LRCH1: variants seen among roughly 807,000 people sequenced by gnomAD.
The protein encoded by LRCH1 is leucine-rich repeat and calponin homology domain-containing protein 1.
A neutral mutation model predicts 94.9 loss-of-function variants in LRCH1; 23 were observed. The ratio of observed to expected loss-of-function variants is 0.24; its 90% CI spans 0.17 to 0.34. The LOEUF (loss-of-function observed/expected upper bound fraction) is 0.34. Ranked by LOEUF, LRCH1 falls within the 10% of genes least tolerant of loss-of-function variation. The probability of loss-of-function intolerance (pLI) is 1.00; values close to 1 mark genes in which losing one functional copy is unlikely to be tolerated. For missense variants in LRCH1, 790 were observed against 945.9 expected (o/e 0.84, Z 2.16); for synonymous variants, 364 against 354.9 (o/e 1.03, Z -0.29).
chr13:46,672,389 G>T (rs1307540840), intron 3 of LRCH1, among the ~76,000 whole-genome samples: 1 of 151,944 alleles, frequency 6.6e-6, no homozygotes, highest in Non-Finnish European at 1.5e-5. Flanking sequence ...ACATGGGTGA[G>T]ATCAATCTTC....
At chr13:46,574,681 G>A (rs76238279) in intron 1 of LRCH1, among the ~76,000 whole-genome samples, 2,945 of 152,086 alleles carry the variant, frequency 0.019, 89 homozygotes, top group African/African-American at 0.067. Flanking sequence ...AAACTTATAC[G>A]CATATTCTAA....
chr13:46,737,925 T>C (rs555147896), intron 19 of LRCH1, among the ~76,000 whole-genome samples: 1 of 152,156 alleles, frequency 6.6e-6, no homozygotes, highest in East Asian at 1.9e-4. Flanking sequence ...CATCAAAAAA[T>C]TAGGAAATAG....
rs3138585 is a variant in LRCH1 at position 46,736,118 on chromosome 13, C to CTGTGTGTGTGTGTG, written c.2085+2144_2085+2157dup. Among the ~76,000 whole-genome samples, 362 of 142,288 alleles carry CTGTGTGTGTGTGTG rather than the reference C, an allele frequency of 2.5e-3. 1 individual carries two copies. The highest frequency in any genetic ancestry group is 7.4e-3 in the Middle Eastern group (2 of 272). 93.3% of individuals were successfully genotyped at this position (142,288 alleles called of 152,430 possible). A position where few individuals can be genotyped will look rare whatever the true frequency, so the allele number is the denominator to read the frequency against. Reference sequence around the variant, plus strand: ...GGCCAAGGTGATTTTCAAATTTGCTCTGTGTGTGTGTGTGTGTGTGTGTGT... The same window carrying CTGTGTGTGTGTGTG: ...GGCCAAGGTGATTTTCAAATTTGCTCTGTGTGTGTGTGTGTGTGTGTGTGTGTGTGTGTGTGTGT... On this transcript the variant is annotated intron_variant, in intron 19 of 19. Transcript: ENST00000389797.
At chr13:46,653,457 C>T (rs2051332421) in intron 2 of LRCH1, among the ~76,000 whole-genome samples, 2 of 152,174 alleles carry the variant, frequency 1.3e-5, no homozygotes, top group South Asian at 4.2e-4. Context: ...TTTTGAAAGC[C>T]AGATACTATA....
chr13:46,601,682 G>A lies in LRCH1; in HGVS notation c.307+47979G>A, dbSNP rs1166626637. ...AGACTAATTATATTTCCATAGCAAT[G>A]TTTAAGTGGCCTGCTGCCCAATCAC... On this transcript the variant is annotated intron_variant, in intron 1 of 19. Transcript: ENST00000389797. Among the ~76,000 whole-genome samples, 3 of 152,170 alleles carry A rather than the reference G, an allele frequency of 2.0e-5. No individual in the cohort carries two copies. The East Asian group carries it at 5.8e-4, about 29-fold the overall frequency.
intron 1 of LRCH1, among the ~76,000 whole-genome samples, chr13:46,579,992 T>C (rs2050347021): frequency 6.6e-6 from 1 of 152,192 alleles, no homozygotes; most frequent in East Asian, 1.9e-4. Flanking sequence ...AAGTGGCTCA[T>C]GAAGAAGTAA....
At chr13:46,709,028 A>G (rs746467971) in intron 13 of LRCH1, among the ~76,000 whole-genome samples, 1 of 152,204 alleles carries the variant, frequency 6.6e-6, no homozygotes, top group Non-Finnish European at 1.5e-5. Context: ...ATTTCAGTGT[A>G]CTGCTTATTT....
intron 1 of LRCH1, among the ~76,000 whole-genome samples, chr13:46,642,133 T>C (rs59467851): frequency 0.085 from 12,916 of 152,314 alleles, 656 homozygotes; most frequent in Middle Eastern, 0.16. Flanking sequence ...TAAAGACATG[T>C]GCTCTTCTTT....
Position 46,742,163 on chromosome 13 carries a change from C to A in LRCH1, c.*315C>A. 3.3e-6 allele frequency: 4 copies of A among 1,197,046 alleles called. No individual in the cohort carries two copies. The highest frequency in any genetic ancestry group is 4.2e-6 in the Non-Finnish European group (4 of 957,918). The allele number at this position is 1,197,046 out of a possible 1,614,324, so 74.2% of individuals were successfully genotyped here. A position where few individuals can be genotyped will look rare whatever the true frequency, so the allele number is the denominator to read the frequency against. Reference sequence around the variant, plus strand: ...TCCTCCTCTCCCTCCCGGTGAGCTGCTGCCCTGGGCAGAGGGGAGGAGAAT... The same window carrying A: ...TCCTCCTCTCCCTCCCGGTGAGCTGATGCCCTGGGCAGAGGGGAGGAGAAT... On this transcript the variant is annotated 3_prime_UTR_variant, in exon 20 of 20. Transcript: ENST00000389797.
At chr13:46,557,583 C>T (rs1244487057) in intron 1 of LRCH1, among the ~76,000 whole-genome samples, 3 of 144,526 alleles carry the variant, frequency 2.1e-5, no homozygotes, top group African/African-American at 7.3e-5. Context: ...TAGCTCACTC[C>T]TGTAACGCCT....
At chr13:46,716,929 C>T (rs542200083) in intron 16 of LRCH1, among the ~76,000 whole-genome samples, 2 of 151,208 alleles carry the variant, frequency 1.3e-5, no homozygotes, top group African/African-American at 4.9e-5. Context: ...GGAGGGGAGG[C>T]ATTTTTGTTT....
At chr13:46,715,533 C>A in intron 15 of LRCH1, 27 bp from the exon 16 acceptor site, 1 of 1,363,846 alleles carries the variant, frequency 7.3e-7, no homozygotes, top group South Asian at 1.2e-5. Flanking sequence ...CAACTGTACG[C>A]GGACTGGCTC....
At chr13:46,703,443 G>A (rs1030172630) in intron 11 of LRCH1, among the ~76,000 whole-genome samples, 1 of 152,166 alleles carries the variant, frequency 6.6e-6, no homozygotes, top group Non-Finnish European at 1.5e-5. Flanking sequence ...CGGTGGAGAA[G>A]TAAATTGGCA....
At chr13:46,752,504 A>G (rs1448389302) in exon 19 of LRCH1, 2 of 152,242 alleles carry the variant, frequency 1.3e-5, no homozygotes, top group Non-Finnish European at 2.9e-5. Flanking sequence ...TGTACTGTGC[A>G]CTTTAACCTA....
chr13:46,603,322 T>A (rs2050651818), intron 1 of LRCH1, among the ~76,000 whole-genome samples: 1 of 152,124 alleles, frequency 6.6e-6, no homozygotes, highest in African/African-American at 2.4e-5. Context: ...ACTCAAGTCT[T>A]CCCTGAAATC....
chr13:46,683,135 G>A (rs1870429909), intron 4 of LRCH1, among the ~76,000 whole-genome samples: 2 of 152,196 alleles, frequency 1.3e-5, no homozygotes, highest in African/African-American at 2.4e-5. Flanking sequence ...GAAACAGTCA[G>A]CATTTGGTTA....
intron 10 of LRCH1, among the ~76,000 whole-genome samples, chr13:46,700,281 T>C (rs938438860): frequency 1.3e-5 from 2 of 152,204 alleles, no homozygotes; most frequent in Non-Finnish European, 2.9e-5. Context: ...TTGTTAAAAC[T>C]TTTCTCCTTA....
chr13:46,744,763 A>G lies in LRCH1; in HGVS notation c.*2915A>G, dbSNP rs1486792083. ...GAAAAAGTAGGGATGATATTTTAAA[A>G]TTTTAAGAAACTGAAAGTTGTTTTG... On this transcript the variant is annotated 3_prime_UTR_variant, in exon 20 of 20. Coordinates refer to ENST00000389797, the MANE Select transcript of LRCH1 (RefSeq NM_001164211.2). 1.6e-5 allele frequency: 16 copies of G among 985,284 alleles called. No individual in the cohort carries two copies. The highest frequency in any genetic ancestry group is 1.8e-5 in the Non-Finnish European group (15 of 829,888). The allele number at this position is 985,284 out of a possible 1,614,324, so 61.0% of individuals were successfully genotyped here. A position where few individuals can be genotyped will look rare whatever the true frequency, so the allele number is the denominator to read the frequency against.
intron 11 of LRCH1, 49 bp downstream of exon 11, chr13:46,701,256 A>C: frequency 7.7e-7 from 1 of 1,294,894 alleles, no homozygotes; most frequent in South Asian, 1.2e-5. Context: ...AATGCATACT[A>C]ATGTATGGAG....
Sources: allele counts gnomAD v4.1 joint callset (sites outside exome capture counted in the v4.1 genomes callset), GRCh38; gene constraint gnomAD v4.1.1; transcripts MANE v1.5; gene names NCBI Gene and HGNC (gene_info 2026-07-23, HGNC 2026-07-21).